The following CARMIL3 variants were observed in gnomAD, a reference collection of about 807,000 sequenced individuals.
The protein encoded by CARMIL3 is capping protein regulator and myosin 1 linker 3, also known as capping protein, Arp2/3 and myosin-I linker protein 3.
In CARMIL3, 88 loss-of-function variants were observed where a neutral mutation model predicts 180.8. The observed-to-expected ratio is 0.49, with a 90% CI of 0.41 to 0.58. The LOEUF is 0.58. Ranked by LOEUF, CARMIL3 falls within the 20% of genes least tolerant of loss-of-function variation. The pLI, the probability that CARMIL3 is intolerant of heterozygous loss-of-function variation, is 0.00. For missense variants in CARMIL3, 1,548 were observed against 1,787.0 expected, an observed-to-expected ratio of 0.87 and a Z score of 2.41; for synonymous variants, 696 against 714.5, an observed-to-expected ratio of 0.97 and a Z score of 0.41.
chr14:24,059,602 C>T lies in CARMIL3; in HGVS notation c.1800-62C>T, dbSNP rs1594550344. On this transcript the variant is annotated intron_variant, in intron 21 of 39. Coordinates refer to ENST00000342740, the MANE Select transcript of CARMIL3 (RefSeq NM_138360.4). This position sits in a 1 kb window ranked among gnomAD's most constrained non-coding sequence, Gnocchi z 6.3. ...CCTTATTGCCCCAAGAGGTTTGTGT[C>T]CCTGGCCCCTAGTAGGGACCCAGGA... 2 of 1,586,236 alleles carry T rather than the reference C, an allele frequency of 1.3e-6. No homozygotes were observed. The highest frequency in any genetic ancestry group is 4.5e-5 in the East Asian group (2 of 44,402).
rs1419652613 is a variant in CARMIL3 at position 24,064,940 on chromosome 14, T to C, written c.3081-18T>C. On this transcript the variant is annotated intron_variant, in intron 32 of 39. Transcript: ENST00000342740. ...TTGCATCTGGCATTTGTTGCTAACT[T>C]ACCCCGATTCTCCCCAGCTACCCCC... is the stretch of plus-strand genomic sequence containing the variant. 1.9e-6 allele frequency: 3 copies of C among 1,605,800 alleles called. No homozygotes were observed. The highest frequency in any genetic ancestry group is 3.5e-5 in the Admixed American group (2 of 57,880).
chr14:24,066,681 G>T, intron 36 of CARMIL3, 25 bp downstream of exon 36: 1 of 1,610,698 alleles, frequency 6.2e-7, no homozygotes, highest in Non-Finnish European at 8.5e-7. Context: ...TTTTCAGGCA[G>T]CAGTACTGAA....
At chr14:24,064,563 A>T (rs2035765977) in intron 32 of CARMIL3, among the ~76,000 whole-genome samples, 1 of 152,184 alleles carries the variant, frequency 6.6e-6, no homozygotes, top group Non-Finnish European at 1.5e-5. Context: ...GGCCAGAGTG[A>T]ACCACCACAG....
At chr14:24,057,905 C>T (rs375725977) in intron 15 of CARMIL3, 26 bp downstream of exon 15, 6 of 1,612,954 alleles carry the variant, frequency 3.7e-6, no homozygotes, top group Non-Finnish European at 5.1e-6. Flanking sequence ...GAAGGGAGGA[C>T]AGGGCAAGAC....
rs755838540 is a variant in CARMIL3, at chr14:24,055,270, C to A, written c.565C>A (p.Arg189=). The change falls in exon 8 of 40, where the codon CGG becomes AGG. Residue 189 remains arginine (R), a synonymous_variant. Transcript: ENST00000342740. ...CACCATCTACCATGCTGAAGATAAC[C>A]GGGAGTTCAATCTTTTGGATTTCAG... The part of the protein sequence containing the change: ...VDTIYHAEDN[R]EFNLLDFSHL... The A allele has an allele frequency of 2.6e-5, 42 of 1,614,010 alleles. No individual in the cohort carries two copies. The South Asian group carries it at 4.6e-4, about 18-fold the overall frequency.
At position 24,068,682 on chromosome 14, in the gene CARMIL3, C is replaced by G; in HGVS notation, c.3781C>G (p.Leu1261Val). 6.2e-7 allele frequency: 1 copy of G among 1,613,774 alleles called. No individual in the cohort carries two copies. Reference sequence around the variant, plus strand: ...GGGGACCCTCTTCCCAGAGAGGACACTTCCAGCTAGGAATGCCAAGGTGAG... The same window carrying G: ...GGGGACCCTCTTCCCAGAGAGGACAGTTCCAGCTAGGAATGCCAAGGTGAG... ...KEGTLFPERT[L>V]PARNAKLQDP... The change falls in exon 37 of 40, where the codon CTT becomes GTT. Residue 1261 changes from leucine to valine, a missense_variant. This residue lies in a region of CARMIL3 where 668 missense variants were observed against 687.8 expected (regional missense o/e 0.97). Transcript: ENST00000342740.
Position 24,055,314 on chromosome 14 carries a change from A to T in CARMIL3, c.605+4A>T, listed in dbSNP as rs2035661206. The stretch of plus-strand genomic sequence containing the variant: ...ATTTCAGCCACTTGGAGAGCCGGTA[A>T]GCAGATGGGGCAGAGACTCCACCCT... On this transcript the variant is annotated splice_donor_region_variant and intron_variant, in intron 8 of 39. Coordinates refer to ENST00000342740, the MANE Select transcript of CARMIL3 (RefSeq NM_138360.4). 18 of 1,614,080 alleles carry T rather than the reference A, an allele frequency of 1.1e-5. No homozygotes were observed. Among genetic ancestry groups the T allele is most frequent in the Non-Finnish European group, 1.4e-5 (16 of 1,179,976 alleles).
At position 24,054,610 on chromosome 14, in the gene CARMIL3, T is replaced by A; in HGVS notation, c.362+99T>A. Reference sequence around the variant, plus strand: ...CCAGGGCTGAGAAGGAGAGCTCTCATGTCCCCACTCCTGGTTTTTCCTGGG... The same window carrying A: ...CCAGGGCTGAGAAGGAGAGCTCTCAAGTCCCCACTCCTGGTTTTTCCTGGG... On this transcript the variant is annotated intron_variant, in intron 5 of 39. Transcript: ENST00000342740. The surrounding 1 kb of genome is among the most constrained non-coding windows in gnomAD (Gnocchi z 5.1). 1 of 1,494,030 alleles carries A rather than the reference T, an allele frequency of 6.7e-7. No individual in the cohort carries two copies. The highest frequency in any genetic ancestry group is 9.2e-7 in the Non-Finnish European group (1 of 1,089,764). 92.5% of individuals were successfully genotyped at this position (1,494,030 alleles called of 1,614,324 possible). A position where few individuals can be genotyped will look rare whatever the true frequency, so the allele number is the denominator to read the frequency against.
At chr14:24,062,427 C>T (rs1326077514) in intron 27 of CARMIL3, 53 bp from the exon 28 acceptor site, 2 of 1,499,846 alleles carry the variant, frequency 1.3e-6, no homozygotes, top group African/African-American at 2.8e-5. Flanking sequence ...CCTCAGGGGC[C>T]ATGCGGGGGA....
At chr14:24,062,395 C>G in intron 27 of CARMIL3, 85 bp from the exon 28 acceptor site, 1 of 1,272,086 alleles carries the variant, frequency 7.9e-7, no homozygotes, top group Non-Finnish European at 1.2e-6. Context: ...GCCGTTCTCT[C>G]AGGCTTCTGG....
At chr14:24,053,272 A>T (rs952301461) in intron 1 of CARMIL3, among the ~76,000 whole-genome samples, 1 of 151,938 alleles carries the variant, frequency 6.6e-6, no homozygotes, top group Non-Finnish European at 1.5e-5. Flanking sequence ...GCACACTCTC[A>T]TAGTAAAGGC....
Position 24,054,786 on chromosome 14 carries a change from A to T in CARMIL3, c.438A>T (p.Thr146=), listed in dbSNP as rs1012224871. The change falls in exon 6 of 40, where the codon ACA becomes ACT. Residue 146 remains threonine (T), a synonymous_variant. Coordinates refer to ENST00000342740, the MANE Select transcript of CARMIL3 (RefSeq NM_138360.4). This position sits in a 1 kb window ranked among gnomAD's most constrained non-coding sequence, Gnocchi z 5.1. The part of the protein sequence containing the change: ...RDTSPNSETS[T]STTHSVCGGF... ...CATCCCCCAACTCTGAGACTTCCAC[A>T]TCTACCACCCACAGTGTCTGCGGTG... is the stretch of plus-strand genomic sequence containing the variant. 2 of 1,614,084 alleles carry T rather than the reference A, an allele frequency of 1.2e-6. No homozygotes were observed. The highest frequency in any genetic ancestry group is 1.7e-5 in the Admixed American group (1 of 60,024).
chr14:24,058,312 CT>C lies in CARMIL3; in HGVS notation c.1392+89del. 4 of 1,424,106 alleles carry C rather than the reference CT, an allele frequency of 2.8e-6. No homozygotes were observed. Among genetic ancestry groups the C allele is most frequent in the Non-Finnish European group, 3.8e-6 (4 of 1,041,126 alleles). 88.2% of individuals were successfully genotyped at this position (1,424,106 alleles called of 1,614,324 possible). The stretch of plus-strand genomic sequence containing the variant: ...GTCAAACCCTGGCTCCATCTAGCCT[CT>C]GTGCTGACCCTCTGCGACCCCCTGA... On this transcript the variant is annotated intron_variant, in intron 17 of 39. Coordinates refer to ENST00000342740, the MANE Select transcript of CARMIL3 (RefSeq NM_138360.4). This position sits in a 1 kb window ranked among gnomAD's most constrained non-coding sequence, Gnocchi z 6.4.
chr14:24,057,082 T>C, intron 13 of CARMIL3, 58 bp downstream of exon 13: 1 of 1,592,352 alleles, frequency 6.3e-7, no homozygotes, highest in Non-Finnish European at 8.6e-7. Context: ...CTTCAGGAGC[T>C]GGGAGGCCTT....
At chr14:24,060,548 C>G in intron 24 of CARMIL3, 80 bp from the exon 25 acceptor site, 1 of 1,559,818 alleles carries the variant, frequency 6.4e-7, no homozygotes, top group Non-Finnish European at 8.7e-7. Context: ...GTGCCAGCAC[C>G]AGTAGCACTG....
chr14:24,055,213 G>A (rs2035659924), intron 7 of CARMIL3, 24 bp from the exon 8 acceptor site: 9 of 1,614,058 alleles, frequency 5.6e-6, no homozygotes, highest in Non-Finnish European at 7.6e-6. Context: ...GGGAGCAGGT[G>A]TGAGCCAGTT....
In CARMIL3 at chr14:24,053,959, T is replaced by G. The variant is rs2035644813; in HGVS notation, c.136-129T>G. 2.5e-6 allele frequency: 3 copies of G among 1,211,174 alleles called. 1 individual carries two copies. In the South Asian group the frequency reaches 4.2e-5, roughly 17 times the overall value. The allele number at this position is 1,211,174 out of a possible 1,614,324, so 75.0% of individuals were successfully genotyped here. On this transcript the variant is annotated intron_variant, in intron 2 of 39. Transcript: ENST00000342740. Reference sequence around the variant, plus strand: ...GAGGCAGGGCTGGACTGTGTTGATGTCCAGAAGTCTAGGGTAGGGCATCGG... The same window carrying G: ...GAGGCAGGGCTGGACTGTGTTGATGGCCAGAAGTCTAGGGTAGGGCATCGG...
chr14:24,054,623 GGTTTT>G lies in CARMIL3; in HGVS notation c.363-87_363-83del. The G allele has an allele frequency of 6.6e-7, 1 of 1,505,768 alleles. No homozygotes were observed. The highest frequency in any genetic ancestry group is 9.1e-7 in the Non-Finnish European group (1 of 1,098,914). 93.3% of individuals were successfully genotyped at this position (1,505,768 alleles called of 1,614,324 possible). A position where few individuals can be genotyped will look rare whatever the true frequency, so the allele number is the denominator to read the frequency against. ...GGAGAGCTCTCATGTCCCCACTCCT[GGTTTT>G]TCCTGGGATGCAGGAGCTATAACGT... On this transcript the variant is annotated intron_variant, in intron 5 of 39. Coordinates refer to ENST00000342740, the MANE Select transcript of CARMIL3 (RefSeq NM_138360.4). This position sits in a 1 kb window ranked among gnomAD's most constrained non-coding sequence, Gnocchi z 5.1.
rs1244175911 is a variant in CARMIL3, at chr14:24,054,885, G to A, written c.460+77G>A. ...GATCAGAGCCCTTTGTGCACAGGGT[G>A]TTGCCTGGGCGGGCGGGCTTTGCCT... On this transcript the variant is annotated intron_variant, in intron 6 of 39. Coordinates refer to ENST00000342740, the MANE Select transcript of CARMIL3 (RefSeq NM_138360.4). The surrounding 1 kb of genome is among the most constrained non-coding windows in gnomAD (Gnocchi z 5.1). The A allele has an allele frequency of 2.0e-6, 3 of 1,490,922 alleles. No individual in the cohort carries two copies. In the African/African-American group the frequency reaches 4.2e-5, roughly 21 times the overall value. The allele number at this position is 1,490,922 out of a possible 1,614,324, so 92.4% of individuals were successfully genotyped here.
Sources: gnomAD v4.1 joint callset for allele counts (sites outside exome capture counted in the v4.1 genomes callset) on GRCh38, gnomAD v4.1.1 for gene constraint, gnomAD v4.1.1 regional missense constraint, Gnocchi (gnomAD v3.1) non-coding constraint, MANE v1.5 for transcripts, NCBI Gene and HGNC (gene_info 2026-07-23, HGNC 2026-07-21) for gene names.